The following ABCC4 variants were observed in gnomAD, a reference collection of about 807,000 sequenced individuals.
ABCC4 encodes ATP binding cassette subfamily C member 4 (PEL blood group).
ABCC4 carries 102 observed loss-of-function variants against 168.5 expected under a neutral mutation model. The ratio of observed to expected loss-of-function variants is 0.61; its 90% CI spans 0.52 to 0.71. ABCC4 has a LOEUF of 0.71. Ranked by LOEUF, ABCC4 falls within the 30% of genes least tolerant of loss-of-function variation. ABCC4 has a pLI of 0.00. For missense variants in ABCC4, 1,402 were observed against 1,605.8 expected, an observed-to-expected ratio of 0.87 and a Z score of 2.17; for synonymous variants, 617 against 590.7, an observed-to-expected ratio of 1.04 and a Z score of -0.65.
At chr13:95,141,012 G>C (rs2036301067) in intron 19 of ABCC4, among the ~76,000 whole-genome samples, 1 of 152,126 alleles carries the variant, frequency 6.6e-6, no homozygotes, top group Non-Finnish European at 1.5e-5. Flanking sequence ...AATACTGGTG[G>C]AGGCTCATAA....
At chr13:95,252,749 C>T (rs60106349) in intron 1 of ABCC4, among the ~76,000 whole-genome samples, 2,337 of 152,320 alleles carry the variant, frequency 0.015, 47 homozygotes, top group East Asian at 0.09. Flanking sequence ...CTATCCACGG[C>T]TTTAGGCAGC....
intron 30 of ABCC4, among the ~76,000 whole-genome samples, chr13:95,021,890 C>T (rs1371733986): frequency 6.6e-6 from 1 of 152,196 alleles, no homozygotes; most frequent in Non-Finnish European, 1.5e-5. Flanking sequence ...GCCAAACAAC[C>T]TGTAGATCCA....
intron 1 of ABCC4, among the ~76,000 whole-genome samples, chr13:95,266,735 G>A (rs2040686234): frequency 6.6e-6 from 1 of 152,016 alleles, no homozygotes; most frequent in Non-Finnish European, 1.5e-5. Context: ...CTTTGGTGAG[G>A]TGCCTGGGTA....
At chr13:95,291,860 T>C (rs1303247173) in intron 1 of ABCC4, among the ~76,000 whole-genome samples, 2 of 152,076 alleles carry the variant, frequency 1.3e-5, no homozygotes, top group African/African-American at 4.8e-5. Flanking sequence ...GGCACGAGAA[T>C]TGCTTGAACC....
intron 29 of ABCC4, among the ~76,000 whole-genome samples, chr13:95,038,128 T>G (rs1453944858): frequency 6.6e-6 from 1 of 152,042 alleles, no homozygotes; most frequent in Non-Finnish European, 1.5e-5. Context: ...AGTGCTGGGA[T>G]TACAGGCATG....
At chr13:95,070,348 T>C (rs1485309070) in intron 25 of ABCC4, among the ~76,000 whole-genome samples, 2 of 152,080 alleles carry the variant, frequency 1.3e-5, no homozygotes, top group African/African-American at 2.4e-5. Context: ...AGACAGGTGC[T>C]TGGGGAGAAG....
intron 1 of ABCC4, among the ~76,000 whole-genome samples, chr13:95,300,030 C>A (rs1207347242): frequency 1.3e-5 from 2 of 152,162 alleles, no homozygotes; most frequent in Non-Finnish European, 2.9e-5. Context: ...TTAGTAGAGA[C>A]GGGGTTTCAC....
At chr13:95,059,537 G>A (rs187459132) in intron 26 of ABCC4, among the ~76,000 whole-genome samples, 26 of 152,292 alleles carry the variant, frequency 1.7e-4, no homozygotes, top group South Asian at 1.0e-3. Flanking sequence ...GAGGAATGCC[G>A]CTAAGACCGG....
At chr13:95,232,325 T>C (rs1594346298) in intron 4 of ABCC4, among the ~76,000 whole-genome samples, 1 of 152,092 alleles carries the variant, frequency 6.6e-6, no homozygotes, top group South Asian at 2.1e-4. Context: ...AAGGAAGACT[T>C]GGGGAGGACA....
At chr13:95,064,309 C>CAT (rs2033438784) in intron 25 of ABCC4, among the ~76,000 whole-genome samples, 3 of 142,730 alleles carry the variant, frequency 2.1e-5, no homozygotes, top group African/African-American at 8.1e-5. Context: ...CACACACACA[C>CAT]ACCAATTGAA....
At chr13:95,082,388 C>T (rs1348119768) in intron 21 of ABCC4, among the ~76,000 whole-genome samples, 1 of 152,102 alleles carries the variant, frequency 6.6e-6, no homozygotes, top group Admixed American at 6.6e-5. Flanking sequence ...AAATGTCTTC[C>T]TCATGATTCC....
chr13:95,130,987 T>C (rs897261897), intron 19 of ABCC4, among the ~76,000 whole-genome samples: 2 of 152,152 alleles, frequency 1.3e-5, no homozygotes, highest in Non-Finnish European at 2.9e-5. Flanking sequence ...GACAGAATAT[T>C]ATCACTTTTG....
intron 19 of ABCC4, among the ~76,000 whole-genome samples, chr13:95,141,567 T>A (rs1053888107): frequency 6.6e-6 from 1 of 152,048 alleles, no homozygotes; most frequent in African/African-American, 2.4e-5. Context: ...GTGGGGGGTA[T>A]CAATGAAGTT....
In ABCC4 at chr13:95,073,309, G is replaced by A. The variant is rs201886144; in HGVS notation, c.2918-5C>T. The A allele has an allele frequency of 2.6e-5, 42 of 1,610,428 alleles. No homozygotes were observed. The highest frequency in any genetic ancestry group is 1.7e-4 in the Middle Eastern group (1 of 6,038). On this transcript the variant is annotated splice_region_variant and splice_polypyrimidine_tract_variant and intron_variant, in intron 23 of 30. Transcript: ENST00000645237. ...CAACCTGCCCGGCATCCAGAGCTAC[G>A]TAAGGAGGAAGAAGGGAATAAAGTC...
chr13:95,218,667 C>T (rs151113801), intron 4 of ABCC4, among the ~76,000 whole-genome samples: 60 of 151,640 alleles, frequency 4.0e-4, no homozygotes, highest in Non-Finnish European at 7.2e-4. Context: ...GACTGGGCAA[C>T]GTAGTGAGAT....
At chr13:95,293,454 C>G (rs767083279) in intron 1 of ABCC4, among the ~76,000 whole-genome samples, 27 of 151,968 alleles carry the variant, frequency 1.8e-4, no homozygotes, top group Non-Finnish European at 2.6e-4. Flanking sequence ...CCTGCAGCAG[C>G]GACTGCTGGA....
At chr13:95,189,889 C>T (rs2038200789) in intron 9 of ABCC4, among the ~76,000 whole-genome samples, 1 of 152,074 alleles carries the variant, frequency 6.6e-6, no homozygotes, top group Non-Finnish European at 1.5e-5. Context: ...TTCAATCCAG[C>T]ACAAAGGGAG....
chr13:95,264,915 CTGGAG>C lies in ABCC4; in HGVS notation c.75-17167_75-17163del, dbSNP rs1594406550. On this transcript the variant is annotated intron_variant, in intron 1 of 30. Coordinates refer to ENST00000645237, the MANE Select transcript of ABCC4 (RefSeq NM_005845.5). ...ACAGAGTTTTGCTCTTTCTCTCAAA[CTGGAG>C]TGAAGTGGTGTGATCTCAGCTCACT... is the stretch of plus-strand genomic sequence containing the variant. 3.0e-5 allele frequency among the ~76,000 whole-genome samples: 4 copies of C among 133,612 alleles called. No individual in the cohort carries two copies. In the East Asian group the frequency reaches 9.7e-4, roughly 32 times the overall value. 87.7% of individuals were successfully genotyped at this position (133,612 alleles called of 152,430 possible).
chr13:95,254,113 G>C (rs973492545), intron 1 of ABCC4, among the ~76,000 whole-genome samples: 1 of 152,100 alleles, frequency 6.6e-6, no homozygotes, highest in African/African-American at 2.4e-5. Flanking sequence ...GCCCAGGCTG[G>C]TCTCAAACTC....
Sources: allele counts gnomAD v4.1 joint callset (sites outside exome capture counted in the v4.1 genomes callset), GRCh38; gene constraint gnomAD v4.1.1; transcripts MANE v1.5; gene names NCBI Gene and HGNC (gene_info 2026-07-23, HGNC 2026-07-21).